Variants in CDH4 observed in about 807,000 individuals in gnomAD.
The protein encoded by CDH4 is cadherin 4.
A neutral mutation model predicts 86.0 loss-of-function variants in CDH4; 33 were observed. The ratio of observed to expected loss-of-function variants is 0.38; its 90% CI spans 0.29 to 0.51. The LOEUF (loss-of-function observed/expected upper bound fraction) is 0.51, where lower values mean the gene tolerates loss of function less well. CDH4 is among the 20% of genes least tolerant of loss of function. The probability of loss-of-function intolerance (pLI) is 0.86; values close to 1 mark genes in which losing one functional copy is unlikely to be tolerated. For synonymous variants in CDH4, 555 were observed against 549.4 expected, an observed-to-expected ratio of 1.01 and a Z score of -0.14; for missense variants, 1,114 against 1,307.4, an observed-to-expected ratio of 0.85 and a Z score of 2.28.
chr20:61,352,455 G>A (rs1451359272), intron 2 of CDH4, among the ~76,000 whole-genome samples: 2 of 152,224 alleles, frequency 1.3e-5, no homozygotes, highest in South Asian at 2.1e-4. Flanking sequence ...TGTGGCAAAC[G>A]TCTTTACATT....
chr20:61,683,674 A>C (rs1022084516), intron 2 of CDH4, among the ~76,000 whole-genome samples: 1 of 152,230 alleles, frequency 6.6e-6, no homozygotes, highest in Non-Finnish European at 1.5e-5. Context: ...TTTAATGTTC[A>C]GGTCAAATAT....
chr20:61,319,829 C>G (rs763288236), intron 2 of CDH4, among the ~76,000 whole-genome samples: 75 of 151,856 alleles, frequency 4.9e-4, no homozygotes, highest in Non-Finnish European at 7.2e-4. Flanking sequence ...TGTCAGGCAC[C>G]TGTAGTCCTT....
rs1015735603 is a variant in CDH4, at chr20:61,400,497, C to G, written c.169+145560C>G. On this transcript the variant is annotated intron_variant, in intron 2 of 15. Coordinates refer to ENST00000614565, the MANE Select transcript of CDH4 (RefSeq NM_001794.5). ...TAGTTCTGCTTTGATAAGAGACATCCCCTAAATCTCAGGACTACTGTCAAA... is the reference window on the plus strand; with the variant it reads ...TAGTTCTGCTTTGATAAGAGACATCGCCTAAATCTCAGGACTACTGTCAAA... 3.3e-5 allele frequency among the ~76,000 whole-genome samples: 5 copies of G among 152,300 alleles called. 1 individual carries two copies. Among genetic ancestry groups the G allele is most frequent in the Admixed American group, 1.3e-4 (2 of 15,304 alleles).
At chr20:61,511,413 T>G (rs967165630) in intron 2 of CDH4, among the ~76,000 whole-genome samples, 1 of 152,222 alleles carries the variant, frequency 6.6e-6, no homozygotes, top group Non-Finnish European at 1.5e-5. Flanking sequence ...TCTTGTGTGT[T>G]TCACCATAAT....
chr20:61,531,252 A>C (rs187331804), intron 2 of CDH4, among the ~76,000 whole-genome samples: 1 of 152,272 alleles, frequency 6.6e-6, no homozygotes, highest in African/African-American at 2.4e-5. Context: ...CAGGTGGATC[A>C]CCTGAGGTCA....
chr20:61,699,273 C>A (rs1281043193), intron 2 of CDH4, among the ~76,000 whole-genome samples: 1 of 152,040 alleles, frequency 6.6e-6, no homozygotes, highest in African/African-American at 2.4e-5. Flanking sequence ...GGCCAGCATG[C>A]GGCCTGGCTG....
At chr20:61,366,500 C>G (rs1030929781) in intron 2 of CDH4, among the ~76,000 whole-genome samples, 3 of 152,150 alleles carry the variant, frequency 2.0e-5, no homozygotes, top group Non-Finnish European at 2.9e-5. Flanking sequence ...CTGACAGCCC[C>G]GAACAGAGAT....
intron 2 of CDH4, among the ~76,000 whole-genome samples, chr20:61,627,484 C>T (rs1219590567): frequency 6.6e-6 from 1 of 152,194 alleles, no homozygotes; most frequent in African/African-American, 2.4e-5. Flanking sequence ...CCAGGAGCAC[C>T]CTGCCCCTAA....
intron 2 of CDH4, among the ~76,000 whole-genome samples, chr20:61,694,784 T>G (rs756306169): frequency 1.3e-5 from 2 of 152,176 alleles, no homozygotes; most frequent in Non-Finnish European, 2.9e-5. Flanking sequence ...AAGAGGAGAT[T>G]AGCAGGCGGT....
At position 61,879,800 on chromosome 20, in the gene CDH4, C is replaced by T. The variant is rs549882183; in HGVS notation, c.1050+5900C>T. Among the ~76,000 whole-genome samples, 1 of 152,292 alleles carries T rather than the reference C, an allele frequency of 6.6e-6. No individual in the cohort carries two copies. The highest frequency in any genetic ancestry group is 2.1e-4 in the South Asian group (1 of 4,820). ...TTGGGCAGTGAAATTAGCACCGGGC[C>T]AGCATTGTTCTCAGCGTCCCTTCCA... On this transcript the variant is annotated intron_variant, in intron 7 of 15. Coordinates refer to ENST00000614565, the MANE Select transcript of CDH4 (RefSeq NM_001794.5). This position sits in a 1 kb window ranked among gnomAD's most constrained non-coding sequence, Gnocchi z 4.1.
Position 61,797,302 on chromosome 20 carries a change from G to A in CDH4, c.576+24120G>A, listed in dbSNP as rs186049834. Reference sequence around the variant, plus strand: ...GGGCTCACACCATCCATTCCCCAGGGTGGGGAAGGCTCACGCCATCCACTG... The same window carrying A: ...GGGCTCACACCATCCATTCCCCAGGATGGGGAAGGCTCACGCCATCCACTG... On this transcript the variant is annotated intron_variant, in intron 4 of 15. Coordinates refer to ENST00000614565, the MANE Select transcript of CDH4 (RefSeq NM_001794.5). Among the ~76,000 whole-genome samples, 348 of 152,276 alleles carry A rather than the reference G, an allele frequency of 2.3e-3. 5 individuals carry two copies. The highest frequency in any genetic ancestry group is 5.4e-4 in the Non-Finnish European group (37 of 68,000).
intron 2 of CDH4, among the ~76,000 whole-genome samples, chr20:61,321,913 T>C (rs1003352920): frequency 1.3e-5 from 2 of 151,456 alleles, no homozygotes; most frequent in African/African-American, 2.4e-5. Context: ...ATAAGAATAA[T>C]ATATTGTAGC....
At chr20:61,792,489 G>C (rs892932329) in intron 4 of CDH4, among the ~76,000 whole-genome samples, 1 of 152,148 alleles carries the variant, frequency 6.6e-6, no homozygotes, top group East Asian at 1.9e-4. Context: ...GCTGATTCCC[G>C]GGCTCTGTGT....
chr20:61,585,090 G>A (rs2086459405), intron 2 of CDH4, among the ~76,000 whole-genome samples: 1 of 152,250 alleles, frequency 6.6e-6, no homozygotes, highest in African/African-American at 2.4e-5. Flanking sequence ...AGGAAAACCA[G>A]GCTTGAGAGT....
chr20:61,374,900 T>A (rs2084858271), intron 2 of CDH4, among the ~76,000 whole-genome samples: 1 of 152,356 alleles, frequency 6.6e-6, no homozygotes, highest in East Asian at 1.9e-4. Flanking sequence ...AGCTTCGGTC[T>A]CCACGACCTC....
At chr20:61,536,428 A>G (rs1411401797) in intron 2 of CDH4, among the ~76,000 whole-genome samples, 2 of 146,220 alleles carry the variant, frequency 1.4e-5, no homozygotes, top group African/African-American at 2.5e-5. Context: ...GATAATGTTC[A>G]TGATTACTAA....
intron 4 of CDH4, among the ~76,000 whole-genome samples, chr20:61,842,882 G>A (rs544015058): frequency 6.6e-6 from 1 of 152,260 alleles, no homozygotes; most frequent in South Asian, 2.1e-4. Flanking sequence ...GGGTTTGCAG[G>A]CACTCTACCT....
intron 3 of CDH4, among the ~76,000 whole-genome samples, chr20:61,765,573 AGAGGAG>A (rs149908568): frequency 5.9e-5 from 9 of 152,014 alleles, no homozygotes; most frequent in African/African-American, 7.2e-5. Context: ...AGAGCAGGGA[AGAGGAG>A]GAGGAGGAGG....
intron 2 of CDH4, among the ~76,000 whole-genome samples, chr20:61,323,353 A>T (rs2427084): frequency 0.4 from 60,596 of 151,876 alleles, 12,934 homozygotes; most frequent in East Asian, 0.48. Context: ...CCAGGAGGGG[A>T]TGTTTGGGAA....
Sources: allele counts gnomAD v4.1 joint callset (sites outside exome capture counted in the v4.1 genomes callset), GRCh38; gene constraint gnomAD v4.1.1; non-coding constraint Gnocchi (gnomAD v3.1); transcripts MANE v1.5; gene names NCBI Gene and HGNC (gene_info 2026-07-23, HGNC 2026-07-21).